LRRC4C: variants seen among roughly 807,000 people sequenced by gnomAD.
The protein encoded by LRRC4C is leucine rich repeat containing 4C, also known as leucine-rich repeat-containing protein 4C.
Under a neutral mutation model 33.6 loss-of-function variants are expected in LRRC4C, and 5 were observed. The ratio of observed to expected loss-of-function variants is 0.15; its 90% CI spans 0.08 to 0.31. LRRC4C has a LOEUF of 0.31. LRRC4C is among the 10% of genes least tolerant of loss of function. LRRC4C has a pLI of 1.00. For missense variants in LRRC4C, 560 were observed against 796.7 expected (o/e 0.70, Z 3.58); for synonymous variants, 329 against 302.0 (o/e 1.09, Z -0.93).
chr11:41,075,027 T>TATTTTTTA (rs1555064841), intron 1 of LRRC4C, among the ~76,000 whole-genome samples: 1 of 102,976 alleles, frequency 9.7e-6, no homozygotes, highest in African/African-American at 4.4e-5. Flanking sequence ...TTTTTTTTTT[T>TATTTTTTA]TTTTTTTTTA....
intron 1 of LRRC4C, among the ~76,000 whole-genome samples, chr11:41,116,256 A>C (rs938571478): frequency 6.6e-6 from 1 of 152,154 alleles, no homozygotes; most frequent in African/African-American, 2.4e-5. Context: ...ACTTTGGATA[A>C]GCTATGAAGC....
At chr11:41,174,967 T>A (rs1315491743) in intron 1 of LRRC4C, among the ~76,000 whole-genome samples, 1 of 152,082 alleles carries the variant, frequency 6.6e-6, no homozygotes, top group Non-Finnish European at 1.5e-5. Flanking sequence ...TGCCTTTAAT[T>A]AATTAAATTA....
At chr11:40,746,305 G>T (rs980919289) in intron 2 of LRRC4C, among the ~76,000 whole-genome samples, 1 of 152,104 alleles carries the variant, frequency 6.6e-6, no homozygotes, top group Non-Finnish European at 1.5e-5. Flanking sequence ...GACATGAACA[G>T]CTACACCAAG....
At chr11:41,383,892 A>C (rs1293113386) in intron 1 of LRRC4C, among the ~76,000 whole-genome samples, 1 of 152,010 alleles carries the variant, frequency 6.6e-6, no homozygotes, top group Non-Finnish European at 1.5e-5. Context: ...AAGATGATAA[A>C]AGAAACACCA....
At chr11:40,614,530 T>A (rs1961563906) in intron 3 of LRRC4C, among the ~76,000 whole-genome samples, 1 of 151,596 alleles carries the variant, frequency 6.6e-6, no homozygotes, top group Admixed American at 6.6e-5. Flanking sequence ...ATCATTTGTG[T>A]GTTCATTGAA....
chr11:40,140,088 A>T (rs1053014565), intron 6 of LRRC4C, among the ~76,000 whole-genome samples: 1 of 152,338 alleles, frequency 6.6e-6, no homozygotes, highest in African/African-American at 2.4e-5. Context: ...CCTTAATAAT[A>T]AAGTTTTTGG....
chr11:40,971,438 G>C (rs770219769), intron 1 of LRRC4C, among the ~76,000 whole-genome samples: 16 of 152,194 alleles, frequency 1.1e-4, no homozygotes, highest in Non-Finnish European at 2.4e-4. Context: ...CCTGGGGGAG[G>C]AGGGAACAGA....
intron 1 of LRRC4C, among the ~76,000 whole-genome samples, chr11:41,166,000 C>G (rs1944707118): frequency 6.6e-6 from 1 of 150,440 alleles, no homozygotes; most frequent in Non-Finnish European, 1.5e-5. Context: ...CATTGCACTC[C>G]AGCCTCGGCA....
intron 2 of LRRC4C, among the ~76,000 whole-genome samples, chr11:40,819,429 G>T (rs1165645005): frequency 1.3e-5 from 2 of 152,108 alleles, no homozygotes; most frequent in Non-Finnish European, 2.9e-5. Flanking sequence ...ACTGGATGGA[G>T]ATTCAGCCAG....
intron 3 of LRRC4C, among the ~76,000 whole-genome samples, chr11:40,340,056 A>G (rs72893194): frequency 0.035 from 5,346 of 152,162 alleles, 148 homozygotes; most frequent in African/African-American, 0.08. Flanking sequence ...TTGAGAAACC[A>G]TTTCATTAAA....
At chr11:40,946,948 AT>A (rs1403770224) in intron 1 of LRRC4C, among the ~76,000 whole-genome samples, 1 of 152,166 alleles carries the variant, frequency 6.6e-6, no homozygotes, top group Admixed American at 6.6e-5. Flanking sequence ...AAAAATAGAA[AT>A]CAATACCAAA....
chr11:40,356,082 A>G lies in LRRC4C; in HGVS notation c.-269-36361T>C, dbSNP rs115952351. 5.1e-3 allele frequency among the ~76,000 whole-genome samples: 772 copies of G among 152,176 alleles called. 12 individuals carry two copies. Among genetic ancestry groups the G allele is most frequent in the African/African-American group, 0.017 (726 of 41,508 alleles). Reference sequence around the variant, plus strand: ...CTCAGTGACTGTGATTTATGGGCACATTTCTTATATTTTCAGGGTCTCGGC... The same window carrying G: ...CTCAGTGACTGTGATTTATGGGCACGTTTCTTATATTTTCAGGGTCTCGGC... On this transcript the variant is annotated intron_variant, in intron 3 of 6. Transcript: ENST00000528697.
intron 1 of LRRC4C, among the ~76,000 whole-genome samples, chr11:41,367,620 G>T (rs890945946): frequency 6.6e-6 from 1 of 152,124 alleles, no homozygotes; most frequent in Non-Finnish European, 1.5e-5. Flanking sequence ...AAATGTATAT[G>T]TATGTGTATG....
chr11:40,201,545 C>T (rs545710438), intron 5 of LRRC4C, among the ~76,000 whole-genome samples: 101 of 152,198 alleles, frequency 6.6e-4, no homozygotes, highest in African/African-American at 2.4e-3. Flanking sequence ...TGGAAGTGAA[C>T]GCCTTCTATT....
intron 6 of LRRC4C, among the ~76,000 whole-genome samples, chr11:40,136,670 T>G (rs1857002786): frequency 6.6e-6 from 1 of 152,184 alleles, no homozygotes; most frequent in Non-Finnish European, 1.5e-5. Context: ...AACTTCTATT[T>G]GTAATTAACT....
chr11:40,722,807 G>C (rs1448587999), intron 2 of LRRC4C, among the ~76,000 whole-genome samples: 1 of 152,144 alleles, frequency 6.6e-6, no homozygotes, highest in East Asian at 1.9e-4. Context: ...TGATGGCAAG[G>C]AAGTGTAACA....
chr11:41,360,992 T>G (rs1036525104), intron 1 of LRRC4C, among the ~76,000 whole-genome samples: 2 of 152,214 alleles, frequency 1.3e-5, no homozygotes. Flanking sequence ...TCAATCATAT[T>G]ACTACACTAC....
chr11:40,811,605 C>G (rs893957799), intron 2 of LRRC4C, among the ~76,000 whole-genome samples: 31 of 152,148 alleles, frequency 2.0e-4, no homozygotes, highest in Non-Finnish European at 4.0e-4. Context: ...TCAAGCAATT[C>G]TCCTGCCTCA....
intron 3 of LRRC4C, among the ~76,000 whole-genome samples, chr11:40,384,579 T>A (rs1216748551): frequency 6.6e-6 from 1 of 152,172 alleles, no homozygotes; most frequent in Non-Finnish European, 1.5e-5. Flanking sequence ...CACTATGCTA[T>A]CAGAGAACCA....
Sources: allele counts gnomAD v4.1 joint callset (sites outside exome capture counted in the v4.1 genomes callset), GRCh38; gene constraint gnomAD v4.1.1; transcripts MANE v1.5; gene names NCBI Gene and HGNC (gene_info 2026-07-23, HGNC 2026-07-21).